The following PRIM2 variants were observed in gnomAD, a reference collection of about 807,000 sequenced individuals.
PRIM2 encodes the protein DNA primase large subunit.
A neutral mutation model predicts 67.3 loss-of-function variants in PRIM2; 39 were observed. That is an observed-to-expected ratio of 0.58 (90% CI 0.45 to 0.76). The LOEUF is 0.76. PRIM2 is among the 30% of genes least tolerant of loss of function. The pLI is 0.00. For missense variants in PRIM2, 398 were observed against 598.7 expected (o/e 0.66, Z 3.50); for synonymous variants, 143 against 198.7 (o/e 0.72, Z 2.36).
chr6:57,502,099 A>ACTACC (rs1456487934), intron 7 of PRIM2, among the ~76,000 whole-genome samples: 1 of 152,212 alleles, frequency 6.6e-6, no homozygotes, highest in Admixed American at 6.5e-5. Context: ...CTCTTTTGGT[A>ACTACC]GTGACTGTTA....
At chr6:57,240,108 T>TTTG in the PRIM2 span, among the ~76,000 whole-genome samples, 18,523 of 135,078 alleles carry the variant, frequency 0.14, 1,385 homozygotes, top group Middle Eastern at 0.22. Flanking sequence ...TTTTTTTTTT[T>TTTG]TTTTTTTTGA....
chr6:57,337,988 G>A (rs1437699620), intron 5 of PRIM2, among the ~76,000 whole-genome samples: 3 of 151,682 alleles, frequency 2.0e-5, no homozygotes, highest in Non-Finnish European at 4.4e-5. Flanking sequence ...AAAAGAGAGA[G>A]GAATCAAATA....
intron 10 of PRIM2, among the ~76,000 whole-genome samples, chr6:57,572,332 T>C (rs1397326667): frequency 6.6e-6 from 1 of 152,200 alleles, no homozygotes; most frequent in Non-Finnish European, 1.5e-5. Context: ...TGTTTCAATA[T>C]TGAATGAAGG....
chr6:57,399,217 T>A (rs895413098), intron 7 of PRIM2, among the ~76,000 whole-genome samples: 1 of 152,096 alleles, frequency 6.6e-6, no homozygotes, highest in Admixed American at 6.5e-5. Flanking sequence ...CAGGCCCTGG[T>A]GTGTGATATT....
chr6:57,364,516 A>G (rs937700617), intron 5 of PRIM2, among the ~76,000 whole-genome samples: 1 of 152,032 alleles, frequency 6.6e-6, no homozygotes, highest in African/African-American at 2.4e-5. Context: ...CAAAAACTTC[A>G]TTTTCCTACC....
intron 8 of PRIM2, among the ~76,000 whole-genome samples, chr6:57,512,633 T>C (rs1171098691): frequency 3.3e-5 from 5 of 152,172 alleles, no homozygotes; most frequent in Non-Finnish European, 7.3e-5. Context: ...TCACTCTGTC[T>C]GTCGCCCAGG....
intron 5 of PRIM2, among the ~76,000 whole-genome samples, chr6:57,375,928 C>T (rs1357857170): frequency 6.6e-6 from 1 of 151,850 alleles, no homozygotes; most frequent in African/African-American, 2.4e-5. Context: ...AAAAAATGGC[C>T]AGGCATGGTG....
At chr6:57,375,221 A>C (rs4470849) in intron 5 of PRIM2, among the ~76,000 whole-genome samples, 10,609 of 128,442 alleles carry the variant, frequency 0.083, no homozygotes, top group South Asian at 0.14. Context: ...TATGGCTCTT[A>C]TTATTTTGAG....
chr6:57,498,875 G>A (rs1554346592), intron 7 of PRIM2, among the ~76,000 whole-genome samples: 4 of 152,058 alleles, frequency 2.6e-5, no homozygotes, highest in East Asian at 1.9e-4. Context: ...ATTTGCTTAC[G>A]TATTTACCTC....
At chr6:57,623,896 G>T (rs1379743054) in intron 12 of PRIM2, among the ~76,000 whole-genome samples, 1 of 152,082 alleles carries the variant, frequency 6.6e-6, no homozygotes, top group Non-Finnish European at 1.5e-5. Context: ...TTAAGTGACA[G>T]ATTTTAACAT....
chr6:57,496,789 G>GA (rs1346671926), intron 7 of PRIM2, among the ~76,000 whole-genome samples: 2 of 152,082 alleles, frequency 1.3e-5, no homozygotes, highest in African/African-American at 4.8e-5. Context: ...AAAAATCTAG[G>GA]AATTTAAATG....
the PRIM2 span, among the ~76,000 whole-genome samples, chr6:57,238,680 A>G: frequency 6.6e-6 from 1 of 152,222 alleles, no homozygotes; most frequent in Non-Finnish European, 1.5e-5. Context: ...AAATACATTC[A>G]AAAGCTAGCA....
chr6:57,256,792 T>C, the PRIM2 span, among the ~76,000 whole-genome samples: 1 of 152,106 alleles, frequency 6.6e-6, no homozygotes, highest in Non-Finnish European at 1.5e-5. Context: ...GCTTATCAGA[T>C]GCTCTGCCTT....
At chr6:57,350,407 A>T (rs1259023862) in intron 5 of PRIM2, among the ~76,000 whole-genome samples, 1 of 152,218 alleles carries the variant, frequency 6.6e-6, no homozygotes, top group Non-Finnish European at 1.5e-5. Flanking sequence ...ATGTTAGTGT[A>T]AAGAAAACCA....
intron 12 of PRIM2, among the ~76,000 whole-genome samples, chr6:57,630,370 G>C: frequency 6.6e-6 from 1 of 152,096 alleles, no homozygotes; most frequent in Non-Finnish European, 1.5e-5. Flanking sequence ...GAAGATTGTA[G>C]TGTGATTAAT....
At chr6:57,556,877 A>G (rs1321813602) in intron 10 of PRIM2, among the ~76,000 whole-genome samples, 4 of 151,636 alleles carry the variant, frequency 2.6e-5, no homozygotes, top group Non-Finnish European at 5.9e-5. Context: ...CCAACTGTGC[A>G]TCTGACAAAG....
the PRIM2 span, among the ~76,000 whole-genome samples, chr6:57,234,288 T>C: frequency 1.4e-4 from 22 of 152,306 alleles, no homozygotes; most frequent in African/African-American, 5.3e-4. Context: ...TAGACCTAAC[T>C]TATGAAACAC....
At chr6:57,425,360 C>T (rs1192661225) in intron 7 of PRIM2, among the ~76,000 whole-genome samples, 1 of 152,070 alleles carries the variant, frequency 6.6e-6, no homozygotes, top group East Asian at 1.9e-4. Flanking sequence ...ACTGGGACTA[C>T]AGGCGCACAT....
At chr6:57,568,886 A>T (rs1775802558) in intron 10 of PRIM2, among the ~76,000 whole-genome samples, 1 of 152,250 alleles carries the variant, frequency 6.6e-6, no homozygotes, top group East Asian at 1.9e-4. Flanking sequence ...GGAGCTCTGA[A>T]AAGCTTTTTA....
Sources: gnomAD v4.1 joint callset for allele counts (sites outside exome capture counted in the v4.1 genomes callset) on GRCh38, gnomAD v4.1.1 for gene constraint, MANE v1.5 for transcripts, NCBI Gene and HGNC (gene_info 2026-07-23, HGNC 2026-07-21) for gene names.